PARP14: variants seen among roughly 807,000 people sequenced by gnomAD.
PARP14 encodes protein mono-ADP-ribosyltransferase PARP14.
PARP14 carries 59 observed loss-of-function variants against 154.2 expected under a neutral mutation model. That is an observed-to-expected ratio of 0.38 (90% CI 0.31 to 0.48). PARP14 has a LOEUF of 0.48. Among genes scored for constraint, PARP14 ranks in the 20% least tolerant of loss-of-function variants. PARP14 has a pLI of 0.98. For missense variants in PARP14, 1,734 were observed against 2,131.6 expected (o/e 0.81, Z 3.67); for synonymous variants, 720 against 780.5 (o/e 0.92, Z 1.29).
At position 122,701,007 on chromosome 3, in the gene PARP14, T is replaced by C; in HGVS notation, c.2453T>C (p.Val818Ala). The change falls in exon 6 of 17, where the codon GTG (valine) becomes GCG (alanine). Residue 818 changes from valine (V) to alanine (A), a missense_variant. This residue lies in a region of PARP14 where 1,646 missense variants were observed against 1,976.0 expected (regional missense o/e 0.83). Coordinates refer to ENST00000474629, the MANE Select transcript of PARP14 (RefSeq NM_017554.3). The surrounding 1 kb of genome is among the most constrained non-coding windows in gnomAD (Gnocchi z 4.0). ...QGDLARLPVD[V>A]VVNASNEDLK... ...GACTTGGCACGGCTTCCTGTCGATG[T>C]GGTGGTGAATGCATCTAATGAGGAC... The C allele has an allele frequency of 6.2e-7, 1 of 1,614,008 alleles. No homozygotes were observed. The highest frequency in any genetic ancestry group is 1.1e-5 in the South Asian group (1 of 91,090).
intron 15 of PARP14, 37 bp downstream of exon 15, chr3:122,720,425 G>A: frequency 1.3e-6 from 2 of 1,597,488 alleles, no homozygotes; most frequent in Non-Finnish European, 1.7e-6. Flanking sequence ...CTGGATGGTG[G>A]AAATAAGTTC....
At chr3:122,715,246 C>T (rs752215622) in intron 12 of PARP14, among the ~76,000 whole-genome samples, 1 of 152,132 alleles carries the variant, frequency 6.6e-6, no homozygotes, top group Non-Finnish European at 1.5e-5. Context: ...GGCTTGAAGT[C>T]AACGGAGCTG....
chr3:122,700,576 G>A lies in PARP14; in HGVS notation c.2022G>A (p.Leu674=). 1 of 1,595,320 alleles carries A rather than the reference G, an allele frequency of 6.3e-7. No homozygotes were observed. Among genetic ancestry groups the A allele is most frequent in the South Asian group, 1.1e-5 (1 of 88,384 alleles). ...FVEQNMKIER[L]VEVKPSLVID... ...AACAAAACATGAAAATAGAGAGACTGGTTGAAGTAAAGCCTTCCTTAGTTA... is the reference window on the plus strand; with the variant it reads ...AACAAAACATGAAAATAGAGAGACTAGTTGAAGTAAAGCCTTCCTTAGTTA... The change falls in exon 6 of 17, where the codon CTG becomes CTA. Residue 674 remains leucine, a synonymous_variant. Coordinates refer to ENST00000474629, the MANE Select transcript of PARP14 (RefSeq NM_017554.3).
At position 122,728,665 on chromosome 3, in the gene PARP14, C is replaced by G; in HGVS notation, c.*68C>G. The G allele has an allele frequency of 8.7e-7, 1 of 1,155,470 alleles. No homozygotes were observed. Among genetic ancestry groups the G allele is most frequent in the Admixed American group, 2.5e-5 (1 of 40,722 alleles). 71.6% of individuals were successfully genotyped at this position (1,155,470 alleles called of 1,614,324 possible). ...TATCTAGTTGTAAAACAAGTTTTAG[C>G]TTTTTTTTTTAATTCCTCTTAACAG... On this transcript the variant is annotated 3_prime_UTR_variant, in exon 17 of 17. Transcript: ENST00000474629.
chr3:122,699,724 A>C lies in PARP14; in HGVS notation c.1170A>C (p.Thr390=), dbSNP rs757912437. The C allele has an allele frequency of 3.7e-6, 6 of 1,613,928 alleles. No homozygotes were observed. Among genetic ancestry groups the C allele is most frequent in the Admixed American group, 1.7e-5 (1 of 60,028 alleles). Reference sequence around the variant, plus strand: ...CCTGGCAGGCAGATACTTCCACAACACTCTCTAGCATCAGGTCTAAATATA... The same window carrying C: ...CCTGGCAGGCAGATACTTCCACAACCCTCTCTAGCATCAGGTCTAAATATA... ...IKTWQADTST[T]LSSIRSKYKV... The change falls in exon 6 of 17, where the codon ACA becomes ACC. Residue 390 remains threonine, a synonymous_variant. Coordinates refer to ENST00000474629, the MANE Select transcript of PARP14 (RefSeq NM_017554.3).
rs745437334 is a variant in PARP14, at chr3:122,714,447, G to A, written c.4000+18G>A. ...TGGGACAGGTTCGTAGCCTCTGGCT[G>A]TCAAGGCTAAATCCCAAGCCATCTA... On this transcript the variant is annotated intron_variant, in intron 12 of 16. Coordinates refer to ENST00000474629, the MANE Select transcript of PARP14 (RefSeq NM_017554.3). The A allele has an allele frequency of 6.5e-7, 1 of 1,537,620 alleles. No homozygotes were observed. The highest frequency in any genetic ancestry group is 8.7e-7 in the Non-Finnish European group (1 of 1,148,546).
chr3:122,691,441 G>T (rs556281131), intron 3 of PARP14, among the ~76,000 whole-genome samples: 1 of 152,342 alleles, frequency 6.6e-6, no homozygotes, highest in East Asian at 1.9e-4. Context: ...TTGCCATTCA[G>T]CGGGCTTCGT....
intron 6 of PARP14, among the ~76,000 whole-genome samples, chr3:122,702,823 A>G (rs1939018453): frequency 1.3e-5 from 2 of 151,932 alleles, no homozygotes; most frequent in African/African-American, 2.4e-5. Flanking sequence ...TTGACACCAA[A>G]TATCAAGACA....
chr3:122,685,465 G>A, intron 2 of PARP14, 147 bp downstream of exon 2: 1 of 726,796 alleles, frequency 1.4e-6, no homozygotes, highest in Non-Finnish European at 2.3e-6. Context: ...GGGGAGTGAG[G>A]GCAGTGGTAG....
intron 9 of PARP14, among the ~76,000 whole-genome samples, chr3:122,709,950 A>G (rs1226241362): frequency 2.7e-5 from 4 of 149,790 alleles, no homozygotes; most frequent in African/African-American, 9.8e-5. Flanking sequence ...TTCCTTGTAG[A>G]TTCTAGATAC....
intron 15 of PARP14, chr3:122,722,647 G>A (rs1933189313): frequency 6.6e-6 from 1 of 152,090 alleles, no homozygotes; most frequent in Non-Finnish European, 1.5e-5. Flanking sequence ...CTAGAATTGT[G>A]AAAATAACAT....
rs1405371407 is a variant in PARP14, at chr3:122,728,510, C to T, written c.5319C>T (p.Val1773=). 2.1e-5 allele frequency: 34 copies of T among 1,613,484 alleles called. No homozygotes were observed. The Admixed American group carries it at 5.0e-4, about 24-fold the overall frequency. The stretch of plus-strand genomic sequence containing the variant: ...ATCCTACTGACCTGTATGACACTGT[C>T]ACAGATAATGTGCACCATCCAAGTT... ...PQNPTDLYDT[V]TDNVHHPSLF... Residue 1773 remains valine (V), a synonymous_variant, in exon 17 of 17, where the codon GTC becomes GTT. Coordinates refer to ENST00000474629, the MANE Select transcript of PARP14 (RefSeq NM_017554.3).
intron 15 of PARP14, among the ~76,000 whole-genome samples, chr3:122,725,944 A>G (rs1364115540): frequency 1.3e-5 from 2 of 151,788 alleles, no homozygotes; most frequent in African/African-American, 4.8e-5. Context: ...TAATTCTTTC[A>G]TTGCTTACCC....
intron 8 of PARP14, among the ~76,000 whole-genome samples, chr3:122,707,195 G>C (rs139902720): frequency 1.3e-5 from 2 of 152,196 alleles, no homozygotes; most frequent in Non-Finnish European, 2.9e-5. Context: ...AAGGCAGGCA[G>C]ATCACCTGAG....
chr3:122,714,518 G>A, intron 12 of PARP14, 89 bp downstream of exon 12: 4 of 990,678 alleles, frequency 4.0e-6, no homozygotes, highest in Non-Finnish European at 1.5e-6. Flanking sequence ...TCAGTGCTGA[G>A]TCTGACCCAG....
In PARP14 at chr3:122,714,267, CA is replaced by C; in HGVS notation, c.3839del (p.Gln1280ArgfsTer7). On this transcript the variant is annotated frameshift_variant, in exon 12 of 17. Transcript: ENST00000474629. LOFTEE classifies it high-confidence loss of function. ...VERECSQQAQQRKNDYIITGG... is the reference protein window; with the variant it reads ...VERECSQQAQXRKNDYIITGG... ...TTTTTGTCTGTGTTTCCCAGCTCAG[CA>C]GCGCAAAAATGATTATATAATCACC... is the stretch of plus-strand genomic sequence containing the variant. 1 of 1,594,008 alleles carries C rather than the reference CA, an allele frequency of 6.3e-7. No homozygotes were observed. Among genetic ancestry groups the C allele is most frequent in the Non-Finnish European group, 8.5e-7 (1 of 1,174,130 alleles).
At chr3:122,685,084 G>A (rs192300735) in intron 1 of PARP14, 101 bp from the exon 2 acceptor site, 98 of 1,300,802 alleles carry the variant, frequency 7.5e-5, no homozygotes, top group Non-Finnish European at 1.5e-5. Context: ...AACCGACCAA[G>A]CCATTGATTG....
chr3:122,697,830 A>G (rs1239615645), intron 5 of PARP14, among the ~76,000 whole-genome samples: 1 of 152,238 alleles, frequency 6.6e-6, no homozygotes, highest in African/African-American at 2.4e-5. Context: ...CTTACAGACA[A>G]GAAAAGCAGG....
At chr3:122,721,109 C>G in intron 15 of PARP14, 1 of 333,200 alleles carries the variant, frequency 3.0e-6, no homozygotes, top group South Asian at 2.3e-5. Flanking sequence ...CTCTTCCAAA[C>G]CCCTAATTCT....
Sources: allele counts gnomAD v4.1 joint callset (sites outside exome capture counted in the v4.1 genomes callset), GRCh38; gene constraint gnomAD v4.1.1; regional missense constraint gnomAD v4.1.1; non-coding constraint Gnocchi (gnomAD v3.1); transcripts MANE v1.5; gene names NCBI Gene and HGNC (gene_info 2026-07-23, HGNC 2026-07-21).